The following NDUFA5 variants were observed in gnomAD, a reference collection of about 807,000 sequenced individuals.
NDUFA5 encodes the protein NADH dehydrogenase [ubiquinone] 1 alpha subcomplex subunit 5.
NDUFA5 carries 11 observed loss-of-function variants against 19.8 expected under a neutral mutation model. The ratio of observed to expected loss-of-function variants is 0.56; its 90% CI spans 0.35 to 0.92. The LOEUF (loss-of-function observed/expected upper bound fraction) is 0.92. Ranked by LOEUF, NDUFA5 falls within the 40% of genes least tolerant of loss-of-function variation. The pLI, the probability that NDUFA5 is intolerant of heterozygous loss-of-function variation, is 0.01. For synonymous variants in NDUFA5, 47 were observed against 46.8 expected, an observed-to-expected ratio of 1.00 and a Z score of -0.01; for missense variants, 109 against 134.2, an observed-to-expected ratio of 0.81 and a Z score of 0.93.
the NDUFA5 span, among the ~76,000 whole-genome samples, chr7:123,590,974 T>C: frequency 2.0e-5 from 3 of 152,184 alleles, no homozygotes; most frequent in East Asian, 5.8e-4. Flanking sequence ...TTTTATTTTA[T>C]TGAGCAGTGG....
chr7:123,556,185 T>C (rs942928138), intron 2 of NDUFA5: 1 of 152,204 alleles, frequency 6.6e-6, no homozygotes, highest in Non-Finnish European at 1.5e-5. Context: ...CTGCCATTAA[T>C]TGAGATGAGC....
the NDUFA5 span, among the ~76,000 whole-genome samples, chr7:123,568,261 C>T: frequency 8.2e-4 from 125 of 152,172 alleles, 2 homozygotes; most frequent in East Asian, 0.02. Context: ...GCCTGTAATC[C>T]CAGCACTTTG....
chr7:123,550,554 A>G lies in NDUFA5; in HGVS notation c.99T>C (p.Asp33=), dbSNP rs1798297809. 5 of 1,609,570 alleles carry G rather than the reference A, an allele frequency of 3.1e-6. No homozygotes were observed. The highest frequency in any genetic ancestry group is 4.2e-6 in the Non-Finnish European group (5 of 1,176,734). Residue 33 remains aspartate, a synonymous_variant, in exon 3 of 5, where the codon GAT becomes GAC. Transcript: ENST00000355749. The stretch of plus-strand genomic sequence containing the variant: ...CATTTTTAGGGATTTCCTCAAGAAC[A>G]TCAAGAATCTTTGTGTACAATATTC... ...RLRILYTKIL[D]VLEEIPKNAA...
the NDUFA5 span, among the ~76,000 whole-genome samples, chr7:123,568,235 G>A: frequency 8.5e-5 from 13 of 152,166 alleles, no homozygotes; most frequent in Non-Finnish European, 1.8e-4. Context: ...AAAACTGGCT[G>A]GGCGCGGTGG....
chr7:123,593,107 T>C, the NDUFA5 span, among the ~76,000 whole-genome samples: 9 of 152,152 alleles, frequency 5.9e-5, no homozygotes, highest in African/African-American at 1.9e-4. Flanking sequence ...GCTTTTTTTT[T>C]ACTTTCCATT....
the NDUFA5 span, among the ~76,000 whole-genome samples, chr7:123,567,712 G>A: frequency 6.6e-6 from 1 of 152,144 alleles, no homozygotes; most frequent in Middle Eastern, 3.4e-3. Context: ...AAATGTACAG[G>A]GGACAGGTAA....
At chr7:123,545,008 A>G (rs1340428746) in intron 4 of NDUFA5, among the ~76,000 whole-genome samples, 1 of 151,932 alleles carries the variant, frequency 6.6e-6, no homozygotes, top group Admixed American at 6.6e-5. Context: ...AAATTTCCCA[A>G]TAGAATAATT....
Position 123,557,782 on chromosome 7 carries a change from A to G in NDUFA5, c.14T>C (p.Leu5Pro). MAGVLKKTTGLVGLA... is the reference protein window; with the variant it reads MAGVPKKTTGLVGLA... The stretch of plus-strand genomic sequence containing the variant: ...GACCTCCATTCGTCTCACCTTCTTC[A>G]GCACACCCGCCATGACAGCGCCAAC... The change falls in exon 1 of 5, where the codon CTG (leucine) becomes CCG (proline). Residue 5 changes from leucine (L) to proline (P), a missense_variant. By Grantham distance (98) the Leu-to-Pro change is moderately conservative. Transcript: ENST00000355749. 2 of 1,613,766 alleles carry G rather than the reference A, an allele frequency of 1.2e-6. No homozygotes were observed. The highest frequency in any genetic ancestry group is 2.7e-5 in the African/African-American group (2 of 74,964).
chr7:123,556,524 G>A (rs117222941), intron 2 of NDUFA5: 6,564 of 170,520 alleles, frequency 0.038, 197 homozygotes, highest in Non-Finnish European at 0.047. Flanking sequence ...GAAAGCCAAA[G>A]AGTAGGGGGA....
rs1266666767 is a variant in NDUFA5 at position 123,557,035 on chromosome 7, C to A, written c.66+369G>T. On this transcript the variant is annotated intron_variant, in intron 2 of 4. Coordinates refer to ENST00000355749, the MANE Select transcript of NDUFA5 (RefSeq NM_005000.5). ...TAACAGAAGGAAAAGGGGGCAGTAC[C>A]TTTAGTAAGCCTAAATATATGTAAT... 8.0e-6 allele frequency: 4 copies of A among 498,006 alleles called. 1 individual carries two copies. The highest frequency in any genetic ancestry group is 3.1e-5 in the South Asian group (2 of 64,760). 30.8% of individuals were successfully genotyped at this position (498,006 alleles called of 1,614,324 possible). A position where few individuals can be genotyped will look rare whatever the true frequency, so the allele number is the denominator to read the frequency against.
the NDUFA5 span, chr7:123,585,108 A>G: frequency 6.6e-6 from 1 of 151,730 alleles, no homozygotes; most frequent in Non-Finnish European, 1.5e-5. Context: ...GAAAAGACCA[A>G]TATACGTATG....
chr7:123,587,491 A>G, the NDUFA5 span, among the ~76,000 whole-genome samples: 1 of 151,490 alleles, frequency 6.6e-6, no homozygotes, highest in African/African-American at 2.4e-5. Flanking sequence ...TGTCATCTGC[A>G]GAGACAACTT....
chr7:123,540,321 CAGTAAGGTCCCCTTTT>C lies in NDUFA5; in HGVS notation c.*1782_*1797del, dbSNP rs2117440756. On this transcript the variant is annotated 3_prime_UTR_variant, in exon 5 of 5. Coordinates refer to ENST00000355749, the MANE Select transcript of NDUFA5 (RefSeq NM_005000.5). ...CAACTAGCATTTCTAATGCAAACAC[CAGTAAGGTCCCCTTTT>C]AGCAAAAAAGTTCAGTAACACTGTT... 1 of 152,164 alleles carries C rather than the reference CAGTAAGGTCCCCTTTT, an allele frequency of 6.6e-6. No homozygotes were observed. The highest frequency in any genetic ancestry group is 2.4e-5 in the African/African-American group (1 of 41,510). The allele number at this position is 152,164 out of a possible 1,614,324, so 9.4% of individuals were successfully genotyped here.
the NDUFA5 span, among the ~76,000 whole-genome samples, chr7:123,581,612 A>T: frequency 6.6e-6 from 1 of 151,934 alleles, no homozygotes; most frequent in Non-Finnish European, 1.5e-5. Flanking sequence ...ACTGATATAC[A>T]TCAAATTGTG....
intron 2 of NDUFA5, chr7:123,555,845 G>C (rs1322181888): frequency 6.6e-6 from 1 of 152,178 alleles, no homozygotes; most frequent in Non-Finnish European, 1.5e-5. Flanking sequence ...GAGTGAAATG[G>C]AAAGCCATTA....
At chr7:123,590,891 G>T in the NDUFA5 span, among the ~76,000 whole-genome samples, 12 of 152,234 alleles carry the variant, frequency 7.9e-5, no homozygotes, top group East Asian at 2.1e-3. Context: ...ACCTTGGGCA[G>T]TATGGCCATT....
At chr7:123,546,005 G>C (rs553755678) in intron 3 of NDUFA5, among the ~76,000 whole-genome samples, 1 of 152,118 alleles carries the variant, frequency 6.6e-6, no homozygotes, top group African/African-American at 2.4e-5. Context: ...ATTAGAATTA[G>C]AAATAAATGC....
the NDUFA5 span, among the ~76,000 whole-genome samples, chr7:123,600,484 G>A: frequency 3.3e-5 from 5 of 152,098 alleles, no homozygotes; most frequent in Admixed American, 6.6e-5. Flanking sequence ...AGCTTTATAT[G>A]AATTTCTAAT....
At chr7:123,580,441 A>G in the NDUFA5 span, among the ~76,000 whole-genome samples, 2 of 152,058 alleles carry the variant, frequency 1.3e-5, no homozygotes, top group African/African-American at 2.4e-5. Flanking sequence ...CCACTTGACC[A>G]AAAACTGCTC....
Sources: gnomAD v4.1 joint callset for allele counts (sites outside exome capture counted in the v4.1 genomes callset) on GRCh38, gnomAD v4.1.1 for gene constraint, MANE v1.5 for transcripts, NCBI Gene and HGNC (gene_info 2026-07-23, HGNC 2026-07-21) for gene names.